The following RAD52 variants were observed in gnomAD, a reference collection of about 807,000 sequenced individuals.
RAD52 encodes the protein RAD52 DNA repair protein, also known as DNA repair protein RAD52 homolog.
In RAD52, 47 loss-of-function variants were observed where a neutral mutation model predicts 55.5. The ratio of observed to expected loss-of-function variants is 0.85; its 90% CI spans 0.67 to 1.08. The LOEUF (loss-of-function observed/expected upper bound fraction) is 1.08, where lower values mean the gene tolerates loss of function less well. Among genes scored for constraint, RAD52 ranks in the 50% least tolerant of loss-of-function variants. RAD52 has a pLI of 0.00. For missense variants in RAD52, 468 were observed against 522.8 expected, an observed-to-expected ratio of 0.90 and a Z score of 1.02; for synonymous variants, 184 against 198.9, an observed-to-expected ratio of 0.92 and a Z score of 0.63.
chr12:965,882 T>A (rs1181436182), intron 1 of RAD52, among the ~76,000 whole-genome samples: 1 of 152,056 alleles, frequency 6.6e-6, no homozygotes, highest in Non-Finnish European at 1.5e-5. Flanking sequence ...AGACAGGGTT[T>A]CGCCTGTTGG....
intron 1 of RAD52, among the ~76,000 whole-genome samples, chr12:971,231 T>A (rs1388692530): frequency 6.6e-6 from 1 of 152,184 alleles, no homozygotes; most frequent in Non-Finnish European, 1.5e-5. Flanking sequence ...TTAATCAACC[T>A]TTTGTTTTGT....
chr12:925,612 T>C (rs1956991946), intron 6 of RAD52, 87 bp from the exon 7 acceptor site: 1 of 1,139,914 alleles, frequency 8.8e-7, no homozygotes, highest in Admixed American at 1.7e-5. Flanking sequence ...TTTGTACAGG[T>C]TGCTTCTCAG....
At chr12:960,524 T>A (rs1179846549) in intron 1 of RAD52, among the ~76,000 whole-genome samples, 1 of 152,206 alleles carries the variant, frequency 6.6e-6, no homozygotes, top group Non-Finnish European at 1.5e-5. Flanking sequence ...GGAGCTGCAC[T>A]CGATCATAGC....
upstream of RAD52, among the ~76,000 whole-genome samples, chr12:952,515 T>C (rs1004584715): frequency 6.6e-6 from 1 of 152,146 alleles, no homozygotes; most frequent in Non-Finnish European, 1.5e-5. Flanking sequence ...TGACCTTAAT[T>C]AGAGAGGGGT....
At position 949,680 on chromosome 12, in the gene RAD52, C is replaced by G. The variant is rs1194810486; in HGVS notation, c.-97G>C. 6.6e-6 allele frequency: 1 copy of G among 152,110 alleles called. No individual in the cohort carries two copies. The highest frequency in any genetic ancestry group is 1.5e-5 in the Non-Finnish European group (1 of 68,106). 9.4% of individuals were successfully genotyped at this position (152,110 alleles called of 1,614,324 possible). ...AGGGGAAGAGATCTTAGATGGAGGCCGCGCAGAGGAGAATGGGAAGGGTGC... is the reference window on the plus strand; with the variant it reads ...AGGGGAAGAGATCTTAGATGGAGGCGGCGCAGAGGAGAATGGGAAGGGTGC... On this transcript the variant is annotated 5_prime_UTR_variant, in exon 1 of 12. Coordinates refer to ENST00000358495, the MANE Select transcript of RAD52 (RefSeq NM_134424.4).
chr12:959,174 A>G (rs1958651515), intron 1 of RAD52, among the ~76,000 whole-genome samples: 1 of 152,188 alleles, frequency 6.6e-6, no homozygotes, highest in Non-Finnish European at 1.5e-5. Flanking sequence ...TCTCAAAAGG[A>G]TTCTAAGAAC....
chr12:960,261 A>C (rs1349165251), intron 1 of RAD52, among the ~76,000 whole-genome samples: 2 of 152,216 alleles, frequency 1.3e-5, no homozygotes, highest in African/African-American at 4.8e-5. Flanking sequence ...GTGAAGTTGG[A>C]AAGAAAATAA....
At chr12:952,649 G>A (rs536784614), upstream of RAD52, among the ~76,000 whole-genome samples, 36 of 151,504 alleles carry the variant, frequency 2.4e-4, no homozygotes, top group Non-Finnish European at 4.4e-4. Context: ...CACTTTGGGA[G>A]GTCAAGACGA....
At chr12:944,234 A>G (rs1260101483) in intron 1 of RAD52, among the ~76,000 whole-genome samples, 1 of 151,450 alleles carries the variant, frequency 6.6e-6, no homozygotes, top group Non-Finnish European at 1.5e-5. Context: ...AAAGAAAGAA[A>G]TTAAGTAGCC....
intron 1 of RAD52, among the ~76,000 whole-genome samples, chr12:979,561 G>C (rs1347641714): frequency 6.9e-6 from 1 of 144,318 alleles, no homozygotes; most frequent in Admixed American, 6.8e-5. Context: ...CTCTCTGTGC[G>C]TGTGTGTGTG....
At chr12:970,091 TGAGGTCAG>T (rs1231181689) in intron 1 of RAD52, among the ~76,000 whole-genome samples, 1 of 151,658 alleles carries the variant, frequency 6.6e-6, no homozygotes, top group East Asian at 1.9e-4. Context: ...GTGGATCACC[TGAGGTCAG>T]GAGTTCGAGA....
At chr12:980,978 C>A (rs565898025) in intron 1 of RAD52, among the ~76,000 whole-genome samples, 2 of 151,976 alleles carry the variant, frequency 1.3e-5, no homozygotes, top group Non-Finnish European at 2.9e-5. Context: ...TCCCAACAGC[C>A]GCAAAAGTCT....
intron 1 of RAD52, among the ~76,000 whole-genome samples, chr12:971,029 T>C (rs1286853646): frequency 6.6e-6 from 1 of 152,218 alleles, no homozygotes; most frequent in Admixed American, 6.5e-5. Flanking sequence ...TGTCACCATT[T>C]TTTTCCATGG....
At chr12:954,987 C>G (rs1958584876) in intron 1 of RAD52, among the ~76,000 whole-genome samples, 1 of 152,118 alleles carries the variant, frequency 6.6e-6, no homozygotes, top group South Asian at 2.1e-4. Flanking sequence ...GGTTGCATGC[C>G]CATTATTATG....
chr12:948,571 T>A (rs1353840124), intron 1 of RAD52, among the ~76,000 whole-genome samples: 1 of 151,960 alleles, frequency 6.6e-6, no homozygotes, highest in Non-Finnish European at 1.5e-5. Flanking sequence ...AAGCAAAGAA[T>A]CGCTTGAACC....
chr12:954,802 A>G (rs1189942674), intron 1 of RAD52, among the ~76,000 whole-genome samples: 1 of 152,180 alleles, frequency 6.6e-6, no homozygotes, highest in Non-Finnish European at 1.5e-5. Context: ...TTTTAATTGG[A>G]TCTTTCATTT....
At position 970,318 on chromosome 12, in the gene RAD52, C is replaced by CAAAAA. The variant is rs4017793; in HGVS notation, c.-19+19486_-19+19490dup. Among the ~76,000 whole-genome samples, 30 of 67,096 alleles carry CAAAAA rather than the reference C, an allele frequency of 4.5e-4. 1 individual carries two copies. The highest frequency in any genetic ancestry group is 7.1e-4 in the South Asian group (1 of 1,400). The allele number at this position is 67,096 out of a possible 152,430, so 44.0% of individuals were successfully genotyped here. Reference sequence around the variant, plus strand: ...TGGGCAACAGAACAAGACATCATCTCAAAAAAAAAAAAAAAAAAAAAAAGT... The same window carrying CAAAAA: ...TGGGCAACAGAACAAGACATCATCTCAAAAAAAAAAAAAAAAAAAAAAAAAAAAGT... On this transcript the variant is annotated intron_variant, in intron 1 of 11. Coordinates refer to the RAD52 transcript ENST00000430095.
At chr12:924,176 G>A (rs1247346156) in intron 7 of RAD52, among the ~76,000 whole-genome samples, 2 of 152,138 alleles carry the variant, frequency 1.3e-5, no homozygotes, top group African/African-American at 4.8e-5. Flanking sequence ...TTGGGAGGCC[G>A]AGGCAGGCGA....
rs990069597 is a variant in RAD52, at chr12:912,265, G to A, written c.*1126C>T. 2 of 196,678 alleles carry A rather than the reference G, an allele frequency of 1.0e-5. No individual in the cohort carries two copies. Among genetic ancestry groups the A allele is most frequent in the Non-Finnish European group, 2.1e-5 (2 of 94,796 alleles). The allele number at this position is 196,678 out of a possible 1,614,324, so 12.2% of individuals were successfully genotyped here. On this transcript the variant is annotated 3_prime_UTR_variant, in exon 12 of 12. Coordinates refer to ENST00000358495, the MANE Select transcript of RAD52 (RefSeq NM_134424.4). ...CACACGTGACCTCGTGTGACAAGTCGCAAAGCACCAGGCATACAACAGTTT... is the reference window on the plus strand; with the variant it reads ...CACACGTGACCTCGTGTGACAAGTCACAAAGCACCAGGCATACAACAGTTT...
Sources: gnomAD v4.1 joint callset for allele counts (sites outside exome capture counted in the v4.1 genomes callset) on GRCh38, gnomAD v4.1.1 for gene constraint, MANE v1.5 for transcripts, NCBI Gene and HGNC (gene_info 2026-07-23, HGNC 2026-07-21) for gene names.